Variants in KCNN1 observed in about 807,000 individuals in gnomAD.
KCNN1 encodes the protein potassium calcium-activated channel subfamily N member 1.
Under a neutral mutation model 44.7 loss-of-function variants are expected in KCNN1, and 20 were observed. That is an observed-to-expected ratio of 0.45 (90% CI 0.32 to 0.65). The LOEUF is 0.65. Among genes scored for constraint, KCNN1 ranks in the 30% least tolerant of loss-of-function variants. The pLI is 0.05. For synonymous variants in KCNN1, 324 were observed against 341.7 expected, an observed-to-expected ratio of 0.95 and a Z score of 0.57; for missense variants, 632 against 785.3, an observed-to-expected ratio of 0.80 and a Z score of 2.33.
chr19:17,978,896 A>G (rs1314045396), intron 3 of KCNN1, among the ~76,000 whole-genome samples: 1 of 151,160 alleles, frequency 6.6e-6, no homozygotes, highest in Non-Finnish European at 1.5e-5. Context: ...CTCTACACAA[A>G]AATTTTTTAA....
At chr19:17,996,362 T>C (rs939619777) in intron 9 of KCNN1, among the ~76,000 whole-genome samples, 1 of 151,974 alleles carries the variant, frequency 6.6e-6, no homozygotes, top group Non-Finnish European at 1.5e-5. Flanking sequence ...TCCCAGCACC[T>C]TGGGAGGCAA....
In KCNN1 at chr19:17,967,116, C is replaced by A; in HGVS notation, c.-283C>A. The A allele has an allele frequency of 1.0e-6, 1 of 978,166 alleles. No individual in the cohort carries two copies. The highest frequency in any genetic ancestry group is 1.2e-6 in the Non-Finnish European group (1 of 825,448). 60.6% of individuals were successfully genotyped at this position (978,166 alleles called of 1,614,324 possible). On this transcript the variant is annotated 5_prime_UTR_variant, in exon 1 of 10. Transcript: ENST00000684775. ...CTCTCCCGGCCCGGGCGGGCGCTCGCCCCCCGCCGGGCCCGTGGACTGGGC... is the reference window on the plus strand; with the variant it reads ...CTCTCCCGGCCCGGGCGGGCGCTCGACCCCCGCCGGGCCCGTGGACTGGGC...
intron 4 of KCNN1, 66 bp from the exon 5 acceptor site, chr19:17,985,246 G>A (rs149549749): frequency 1.4e-6 from 2 of 1,448,598 alleles, no homozygotes; most frequent in Non-Finnish European, 1.8e-6. Flanking sequence ...TGCCCCAGGG[G>A]GTGTGATGGA....
intron 2 of KCNN1, among the ~76,000 whole-genome samples, chr19:17,957,185 AGAGGGGAGGAGAGGG>A (rs1258202931): frequency 1.0e-5 from 1 of 95,652 alleles, no homozygotes; most frequent in Non-Finnish European, 2.1e-5. Context: ...GGAGGAGAGG[AGAGGGGAGGAGAGGG>A]GAGGAGAGGA....
At chr19:17,994,664 C>A (rs1459534747) in intron 9 of KCNN1, among the ~76,000 whole-genome samples, 1 of 152,112 alleles carries the variant, frequency 6.6e-6, no homozygotes, top group Non-Finnish European at 1.5e-5. Context: ...GTGCTTCAGC[C>A]TCCAGAGTAG....
Position 17,974,758 on chromosome 19 carries a change from G to A in KCNN1, c.403-334G>A, listed in dbSNP as rs2032150732. Among the ~76,000 whole-genome samples, 1 of 152,222 alleles carries A rather than the reference G, an allele frequency of 6.6e-6. No homozygotes were observed. The highest frequency in any genetic ancestry group is 6.5e-5 in the Admixed American group (1 of 15,284). Reference sequence around the variant, plus strand: ...GAGGCTGGATGAGGTCCGGCCTTGTGAACTGTGAAGTGCTGTGCCCAAGTG... The same window carrying A: ...GAGGCTGGATGAGGTCCGGCCTTGTAAACTGTGAAGTGCTGTGCCCAAGTG... On this transcript the variant is annotated intron_variant, in intron 2 of 9. Transcript: ENST00000684775. This position sits in a 1 kb window ranked among gnomAD's most constrained non-coding sequence, Gnocchi z 7.3.
chr19:17,958,935 C>T (rs555661368), intron 2 of KCNN1, among the ~76,000 whole-genome samples: 2 of 150,646 alleles, frequency 1.3e-5, no homozygotes, highest in African/African-American at 2.4e-5. Context: ...ATCCTGACTT[C>T]GTGATCCACC....
At chr19:17,958,651 C>T (rs887055462) in intron 2 of KCNN1, among the ~76,000 whole-genome samples, 9 of 151,318 alleles carry the variant, frequency 5.9e-5, no homozygotes, top group Non-Finnish European at 8.8e-5. Context: ...CCACCGTGCC[C>T]GGCTAATTTT....
chr19:17,995,743 G>A (rs561545956), intron 9 of KCNN1, among the ~76,000 whole-genome samples: 105 of 151,292 alleles, frequency 6.9e-4, no homozygotes, highest in African/African-American at 2.4e-3. Context: ...ATGCCGCCAC[G>A]CCTAGCTACT....
Position 17,989,733 on chromosome 19 carries a change from T to G in KCNN1, c.1188T>G (p.Ala396=), listed in dbSNP as rs1286762729. 2.5e-6 allele frequency: 4 copies of G among 1,613,778 alleles called. No homozygotes were observed. The African/African-American group carries it at 5.3e-5, about 22-fold the overall frequency. Residue 396 remains alanine, a synonymous_variant, in exon 7 of 10, where the codon GCT becomes GCG. Coordinates refer to ENST00000684775, the MANE Select transcript of KCNN1 (RefSeq NM_001386974.1). Reference sequence around the variant, plus strand: ...GGCCCCAGGTAAAAAACGCCGCTGCTAACGTTCTCAGGGAGACGTGGCTCA... The same window carrying G: ...GGCCCCAGGTAAAAAACGCCGCTGCGAACGTTCTCAGGGAGACGTGGCTCA... The part of the protein sequence containing the change: ...QLTKRVKNAA[A]NVLRETWLIY...
At chr19:17,987,836 C>CAAAAAAAAAAAA in intron 5 of KCNN1, among the ~76,000 whole-genome samples, 1 of 54,580 alleles carries the variant, frequency 1.8e-5, no homozygotes, top group Non-Finnish European at 3.8e-5. Context: ...ATATCGCTAC[C>CAAAAAAAAAAAA]AAAAAAAAAA....
chr19:17,998,237 G>T lies in KCNN1; in HGVS notation c.1463G>T (p.Arg488Leu). ...LEARLATLES[R>L]LDALGASLQA... ...GCCCGCCTGGCCACCCTGGAAAGCC[G>T]CTTGGATGCGCTGGGTGCCTCTCTA... The change falls in exon 10 of 10, where the codon CGC becomes CTC. Residue 488 changes from arginine to leucine, a missense_variant. Transcript: ENST00000684775. This position sits in a 1 kb window ranked among gnomAD's most constrained non-coding sequence, Gnocchi z 5.4. The T allele has an allele frequency of 1.3e-6, 2 of 1,573,558 alleles. No homozygotes were observed. The highest frequency in any genetic ancestry group is 8.6e-7 in the Non-Finnish European group (1 of 1,161,930).
chr19:17,951,789 T>G (rs2031415355), intron 1 of KCNN1, among the ~76,000 whole-genome samples: 1 of 152,066 alleles, frequency 6.6e-6, no homozygotes, highest in South Asian at 2.1e-4. Flanking sequence ...AGTGGCGTGG[T>G]GGGGAGGCTT....
Position 17,974,075 on chromosome 19 carries a change from C to T in KCNN1, c.187C>T (p.Pro63Ser). ...CTCACCCGGCAGCCCCCGGGGGCAG[C>T]CCCAGGACCAGGACGATGACGAGGA... ...RPSPGSPRGQPQDQDDDEDDE... is the reference protein window; with the variant it reads ...RPSPGSPRGQSQDQDDDEDDE... The change falls in exon 2 of 10, where the codon CCC becomes TCC. Residue 63 changes from proline to serine, a missense_variant. By Grantham distance (74) the Pro-to-Ser change is moderately conservative. Transcript: ENST00000684775. This position sits in a 1 kb window ranked among gnomAD's most constrained non-coding sequence, Gnocchi z 7.3. 1 of 1,611,556 alleles carries T rather than the reference C, an allele frequency of 6.2e-7. No homozygotes were observed. Among genetic ancestry groups the T allele is most frequent in the Middle Eastern group, 1.7e-4 (1 of 6,054 alleles).
intron 3 of KCNN1, among the ~76,000 whole-genome samples, chr19:17,979,452 AAAG>A (rs2032322199): frequency 1.4e-5 from 2 of 142,430 alleles, no homozygotes; most frequent in Non-Finnish European, 3.0e-5. Context: ...AAAAAAAAAA[AAAG>A]GAAGGAGTTA....
intron 3 of KCNN1, among the ~76,000 whole-genome samples, chr19:17,981,150 G>T (rs1192410545): frequency 6.6e-6 from 1 of 152,038 alleles, no homozygotes; most frequent in Non-Finnish European, 1.5e-5. Flanking sequence ...CCGGGAGGCA[G>T]AGGTTGCCAA....
chr19:17,990,388 G>A (rs1184393731), intron 7 of KCNN1, among the ~76,000 whole-genome samples: 2 of 151,762 alleles, frequency 1.3e-5, no homozygotes, highest in Non-Finnish European at 2.9e-5. Flanking sequence ...GGAGGCTGAG[G>A]TGGAAGGATC....
At chr19:17,994,515 T>G (rs923583647) in intron 9 of KCNN1, among the ~76,000 whole-genome samples, 2 of 151,696 alleles carry the variant, frequency 1.3e-5, no homozygotes, top group Admixed American at 1.3e-4. Flanking sequence ...GATTCGAATA[T>G]CAAGTCATCT....
chr19:17,986,780 A>G (rs2145958100), intron 5 of KCNN1, among the ~76,000 whole-genome samples: 1 of 151,966 alleles, frequency 6.6e-6, no homozygotes, highest in African/African-American at 2.4e-5. Context: ...TACAGGCCTA[A>G]GCAACTGCAC....
Sources: allele counts gnomAD v4.1 joint callset (sites outside exome capture counted in the v4.1 genomes callset), GRCh38; gene constraint gnomAD v4.1.1; non-coding constraint Gnocchi (gnomAD v3.1); transcripts MANE v1.5; gene names NCBI Gene and HGNC (gene_info 2026-07-23, HGNC 2026-07-21).